PCDH9: variants seen among roughly 807,000 people sequenced by gnomAD.
PCDH9 encodes protocadherin-9.
PCDH9 carries 24 observed loss-of-function variants against 70.6 expected under a neutral mutation model. The observed-to-expected ratio is 0.34, with a 90% CI of 0.25 to 0.48. PCDH9 has a LOEUF of 0.48. Among genes scored for constraint, PCDH9 ranks in the 20% least tolerant of loss-of-function variants. PCDH9 has a pLI of 0.99. For synonymous variants in PCDH9, 562 were observed against 558.5 expected (o/e 1.01, Z -0.09); for missense variants, 1,281 against 1,503.6 (o/e 0.85, Z 2.45).
chr13:67,062,330 T>A (rs1202580488), intron 2 of PCDH9, among the ~76,000 whole-genome samples: 1 of 152,188 alleles, frequency 6.6e-6, no homozygotes, highest in African/African-American at 2.4e-5. Flanking sequence ...CCAGTGTTTA[T>A]CTGAATGGGC....
intron 3 of PCDH9, among the ~76,000 whole-genome samples, chr13:66,821,486 T>A (rs906532061): frequency 6.6e-6 from 1 of 152,146 alleles, no homozygotes; most frequent in Non-Finnish European, 1.5e-5. Context: ...TCACTAGCAA[T>A]GGTACAACAT....
intron 4 of PCDH9, among the ~76,000 whole-genome samples, chr13:66,395,027 A>T (rs955381550): frequency 4.6e-5 from 7 of 152,204 alleles, no homozygotes; most frequent in Non-Finnish European, 7.3e-5. Flanking sequence ...TCACAAAACA[A>T]TACTGGTCAT....
intron 3 of PCDH9, among the ~76,000 whole-genome samples, chr13:66,776,829 C>T (rs1192641876): frequency 1.4e-5 from 2 of 138,532 alleles, no homozygotes; most frequent in Non-Finnish European, 3.1e-5. Flanking sequence ...CAAGTCAATC[C>T]TAAGCCAAAA....
At position 66,809,645 on chromosome 13, in the gene PCDH9, G is replaced by C. The variant is rs138691406; in HGVS notation, c.3138+93859C>G. Among the ~76,000 whole-genome samples, 32 of 152,280 alleles carry C rather than the reference G, an allele frequency of 2.1e-4. No individual in the cohort carries two copies. The East Asian group carries it at 5.8e-3, about 28-fold the overall frequency. ...GATTATAACAGTTTAGTATCTACAT[G>C]TAGAGACTTTCAGGTCACTGGTTTC... On this transcript the variant is annotated intron_variant, in intron 3 of 4. Coordinates refer to ENST00000377865, the MANE Select transcript of PCDH9 (RefSeq NM_203487.3).
chr13:66,559,068 T>G (rs1961874013), intron 4 of PCDH9, among the ~76,000 whole-genome samples: 1 of 152,132 alleles, frequency 6.6e-6, no homozygotes, highest in African/African-American at 2.4e-5. Context: ...CCACTTAGTT[T>G]CTCTTGTGCA....
At chr13:66,579,362 C>T (rs1170165044) in intron 4 of PCDH9, among the ~76,000 whole-genome samples, 3 of 151,930 alleles carry the variant, frequency 2.0e-5, no homozygotes, top group Admixed American at 1.3e-4. Flanking sequence ...TGCTAAACTT[C>T]GAACTGGAAA....
intron 3 of PCDH9, among the ~76,000 whole-genome samples, chr13:66,772,722 G>A (rs1001712606): frequency 5.9e-5 from 9 of 151,832 alleles, no homozygotes; most frequent in Non-Finnish European, 1.2e-4. Flanking sequence ...AAATATCACA[G>A]TAAATCTTAC....
At chr13:66,749,715 C>T (rs2079428009) in intron 3 of PCDH9, among the ~76,000 whole-genome samples, 2 of 152,206 alleles carry the variant, frequency 1.3e-5, no homozygotes, top group African/African-American at 4.8e-5. Flanking sequence ...AAGATGGATG[C>T]CTACCCCTTA....
chr13:66,733,060 C>G (rs570269372), intron 3 of PCDH9, among the ~76,000 whole-genome samples: 1 of 152,082 alleles, frequency 6.6e-6, no homozygotes, highest in Non-Finnish European at 1.5e-5. Flanking sequence ...AGTGTTGGGT[C>G]CACCATTGAG....
chr13:66,339,922 T>C (rs1452323200), intron 4 of PCDH9, among the ~76,000 whole-genome samples: 1 of 152,114 alleles, frequency 6.6e-6, no homozygotes, highest in Non-Finnish European at 1.5e-5. Flanking sequence ...TTGGTTCTCT[T>C]TGAAGCTGAA....
chr13:67,052,254 G>A (rs141239573), intron 2 of PCDH9, among the ~76,000 whole-genome samples: 46 of 152,206 alleles, frequency 3.0e-4, no homozygotes, highest in Middle Eastern at 3.4e-3. Flanking sequence ...CAATGGGGAC[G>A]TCCTGAGAAA....
intron 2 of PCDH9, among the ~76,000 whole-genome samples, chr13:66,922,961 T>C (rs2082660710): frequency 6.6e-6 from 1 of 151,594 alleles, no homozygotes; most frequent in African/African-American, 2.4e-5. Context: ...TCACTTTGTA[T>C]TTACATATTA....
intron 3 of PCDH9, among the ~76,000 whole-genome samples, chr13:66,706,676 CTAAGAGGGGAAGG>C (rs2078715849): frequency 6.6e-6 from 1 of 152,110 alleles, no homozygotes; most frequent in African/African-American, 2.4e-5. Flanking sequence ...GACTGAGAAG[CTAAGAGGGGAAGG>C]CTATGAAAGA....
intron 3 of PCDH9, among the ~76,000 whole-genome samples, chr13:66,828,831 T>C (rs1447327072): frequency 7.1e-6 from 1 of 140,494 alleles, no homozygotes. Context: ...ATAATAATAA[T>C]AATAACAACA....
At chr13:67,055,183 T>C (rs761944160) in intron 2 of PCDH9, among the ~76,000 whole-genome samples, 2 of 152,214 alleles carry the variant, frequency 1.3e-5, no homozygotes, top group African/African-American at 2.4e-5. Context: ...TAAAAAATTA[T>C]TCTTATTTGC....
intron 3 of PCDH9, among the ~76,000 whole-genome samples, chr13:66,759,305 T>TTAA (rs1295947366): frequency 2.6e-5 from 4 of 152,074 alleles, no homozygotes; most frequent in Admixed American, 6.6e-5. Context: ...GTAAAGGTAC[T>TTAA]CCAAATCTCT....
At chr13:67,205,965 C>T (rs879548717) in intron 2 of PCDH9, 6 of 152,078 alleles carry the variant, frequency 3.9e-5, no homozygotes, top group Admixed American at 1.3e-4. Flanking sequence ...ATGTTTTAGA[C>T]AGGGTCTTGC....
intron 3 of PCDH9, among the ~76,000 whole-genome samples, chr13:66,874,367 G>C (rs921079563): frequency 6.6e-6 from 1 of 152,026 alleles, no homozygotes; most frequent in African/African-American, 2.4e-5. Flanking sequence ...ATGTAAGACT[G>C]TTATTTTTTG....
At chr13:67,213,240 A>AAAAAAAAAAAC (rs1593630525) in intron 2 of PCDH9, 2 of 59,026 alleles carry the variant, frequency 3.4e-5, no homozygotes, top group Non-Finnish European at 7.2e-5. Context: ...AAAAAAAAAG[A>AAAAAAAAAAAC]AAAAAAAAAG....
Sources: allele counts gnomAD v4.1 joint callset (sites outside exome capture counted in the v4.1 genomes callset), GRCh38; gene constraint gnomAD v4.1.1; transcripts MANE v1.5; gene names NCBI Gene and HGNC (gene_info 2026-07-23, HGNC 2026-07-21).